The following CACUL1 variants were observed in gnomAD, a reference collection of about 807,000 sequenced individuals.
The protein encoded by CACUL1 is CDK2 associated cullin domain 1, also known as CDK2-associated and cullin domain-containing protein 1.
CACUL1 carries 13 observed loss-of-function variants against 45.2 expected under a neutral mutation model. That is an observed-to-expected ratio of 0.29 (90% CI 0.19 to 0.46). The LOEUF (loss-of-function observed/expected upper bound fraction) is 0.46. Among genes scored for constraint, CACUL1 ranks in the 20% least tolerant of loss-of-function variants. The pLI is 1.00. For missense variants in CACUL1, 421 were observed against 471.4 expected, an observed-to-expected ratio of 0.89 and a Z score of 0.99; for synonymous variants, 197 against 174.2, an observed-to-expected ratio of 1.13 and a Z score of -1.03.
intron 3 of CACUL1, among the ~76,000 whole-genome samples, chr10:118,711,165 C>T (rs923139085): frequency 6.6e-6 from 1 of 152,204 alleles, no homozygotes; most frequent in Non-Finnish European, 1.5e-5. Context: ...CTGCAACCTC[C>T]GTCTCCCAGG....
intron 8 of CACUL1, 37 bp downstream of exon 8, chr10:118,686,561 C>G: frequency 6.5e-7 from 1 of 1,534,186 alleles, no homozygotes. Context: ...CTTTACATCA[C>G]AGAACCATCA....
intron 3 of CACUL1, among the ~76,000 whole-genome samples, chr10:118,715,066 A>G (rs1845529064): frequency 6.6e-6 from 1 of 152,246 alleles, no homozygotes; most frequent in African/African-American, 2.4e-5. Flanking sequence ...GTAACTTCAT[A>G]TAGATGTTAT....
intron 1 of CACUL1, among the ~76,000 whole-genome samples, chr10:118,733,886 G>A (rs886084187): frequency 6.6e-6 from 1 of 152,056 alleles, no homozygotes; most frequent in Non-Finnish European, 1.5e-5. Context: ...GCGTGGTGAT[G>A]CACACCTGTG....
intron 1 of CACUL1, among the ~76,000 whole-genome samples, chr10:118,734,379 TTAGA>T (rs1391559177): frequency 6.6e-6 from 1 of 152,212 alleles, no homozygotes; most frequent in Admixed American, 6.5e-5. Context: ...ATTTTACTTT[TTAGA>T]TAATTAACTA....
chr10:118,737,973 T>C (rs1279055583), intron 1 of CACUL1, among the ~76,000 whole-genome samples: 4 of 152,224 alleles, frequency 2.6e-5, no homozygotes, highest in African/African-American at 4.8e-5. Flanking sequence ...TGAGATTACA[T>C]AGGTGTAAAC....
chr10:118,688,760 A>AT (rs1845232659), intron 7 of CACUL1, among the ~76,000 whole-genome samples: 3 of 152,198 alleles, frequency 2.0e-5, no homozygotes, highest in African/African-American at 7.2e-5. Context: ...TAGGTAAGAG[A>AT]TAAAAAGAAG....
At chr10:118,728,430 CAG>C (rs1845671442) in intron 3 of CACUL1, among the ~76,000 whole-genome samples, 1 of 151,836 alleles carries the variant, frequency 6.6e-6, no homozygotes, top group Non-Finnish European at 1.5e-5. Flanking sequence ...TTCCCTGCCT[CAG>C]TCTCCTGAGT....
chr10:118,691,685 G>A (rs1231928489), intron 6 of CACUL1: 1 of 274,452 alleles, frequency 3.6e-6, no homozygotes, highest in African/African-American at 2.3e-5. Flanking sequence ...GGCTAACATG[G>A]TGAAACCCCA....
chr10:118,729,351 T>C lies in CACUL1; in HGVS notation c.541A>G (p.Ser181Gly). The change falls in exon 3 of 9, where the codon AGT (serine) becomes GGT (glycine). Residue 181 changes from serine (S) to glycine (G), a missense_variant. Ser to Gly is a moderately conservative substitution (Grantham distance 56). Coordinates refer to ENST00000369151, the MANE Select transcript of CACUL1 (RefSeq NM_153810.5). The part of the protein sequence containing the change: ...VCQQHSEQMY[S>G]DLIKKITNHL... ...TTAGTTATCTTTTTAATCAGATCAC[T>C]ATACATCTGTTCCGAGTGCTGCTGG... The C allele has an allele frequency of 3.1e-6, 5 of 1,612,984 alleles. No individual in the cohort carries two copies. The highest frequency in any genetic ancestry group is 4.2e-6 in the Non-Finnish European group (5 of 1,179,884).
chr10:118,682,291 A>G lies in CACUL1; in HGVS notation c.*3837T>C, dbSNP rs1245316159. On this transcript the variant is annotated 3_prime_UTR_variant, in exon 9 of 9. Transcript: ENST00000369151. The stretch of plus-strand genomic sequence containing the variant: ...TCTCAGATTAGTGTATGTTCATAAA[A>G]CAATGCTCAGTTATTTTAATAGCTG... The G allele has an allele frequency of 6.6e-6, 1 of 152,232 alleles. No individual in the cohort carries two copies. Among genetic ancestry groups the G allele is most frequent in the Non-Finnish European group, 1.5e-5 (1 of 68,038 alleles). 9.4% of individuals were successfully genotyped at this position (152,232 alleles called of 1,614,324 possible). A position where few individuals can be genotyped will look rare whatever the true frequency, so the allele number is the denominator to read the frequency against.
chr10:118,727,403 T>TAAAA (rs11454535), intron 3 of CACUL1, among the ~76,000 whole-genome samples: 343 of 144,544 alleles, frequency 2.4e-3, no homozygotes, highest in African/African-American at 8.4e-3. Flanking sequence ...TCAAAAAAAT[T>TAAAA]AAAAAAAAAA....
chr10:118,724,463 T>C (rs1845633405), intron 3 of CACUL1, among the ~76,000 whole-genome samples: 2 of 152,186 alleles, frequency 1.3e-5, no homozygotes, highest in African/African-American at 2.4e-5. Flanking sequence ...AGTAGAGTCA[T>C]AGTTAAATAG....
At chr10:118,708,450 T>C (rs950941257) in intron 3 of CACUL1, among the ~76,000 whole-genome samples, 3 of 152,304 alleles carry the variant, frequency 2.0e-5, no homozygotes, top group Middle Eastern at 3.4e-3. Flanking sequence ...TTCAGCTCTG[T>C]AGAGCAGTAA....
Position 118,733,189 on chromosome 10 carries a change from T to C in CACUL1, c.368-2779A>G, listed in dbSNP as rs141554290. ...AAAAAGAAACCAAAATGTAAAGTCC[T>C]GCAGTTCTAAGTACAGAATGGGGAC... On this transcript the variant is annotated intron_variant, in intron 1 of 8. Transcript: ENST00000369151. Among the ~76,000 whole-genome samples, 421 of 152,324 alleles carry C rather than the reference T, an allele frequency of 2.8e-3. 3 individuals are homozygous for C. The highest frequency in any genetic ancestry group is 5.1e-3 in the Non-Finnish European group (349 of 68,036).
intron 8 of CACUL1, 151 bp from the exon 9 acceptor site, chr10:118,686,319 G>T: frequency 1.4e-6 from 1 of 695,588 alleles, no homozygotes. Flanking sequence ...GGGGTGGAGG[G>T]AAGTAAAAGG....
chr10:118,691,066 G>A (rs1430179803), intron 7 of CACUL1, among the ~76,000 whole-genome samples, 199 bp downstream of exon 7: 7 of 152,080 alleles, frequency 4.6e-5, no homozygotes, highest in Admixed American at 1.3e-4. Flanking sequence ...CAAAACGTAC[G>A]TAATGAAGAG....
rs1167583231 is a variant in CACUL1 at position 118,677,058 on chromosome 10, G to T, written c.*9070C>A. ...ATTTCTCTTGGTGAATGGTATGATA[G>T]GAATCAGTTTAATGTTCTCTAATTA... On this transcript the variant is annotated 3_prime_UTR_variant, in exon 9 of 9. Transcript: ENST00000369151. 1 of 151,958 alleles carries T rather than the reference G, an allele frequency of 6.6e-6. No individual in the cohort carries two copies. The highest frequency in any genetic ancestry group is 1.9e-4 in the East Asian group (1 of 5,188). The allele number at this position is 151,958 out of a possible 1,614,324, so 9.4% of individuals were successfully genotyped here. A position where few individuals can be genotyped will look rare whatever the true frequency, so the allele number is the denominator to read the frequency against.
chr10:118,730,351 C>A lies in CACUL1; in HGVS notation c.427G>T (p.Ala143Ser). Residue 143 changes from alanine to serine, a missense_variant, in exon 2 of 9, where the codon GCC becomes TCC. Physicochemically the swap from Ala to Ser is moderately conservative, Grantham distance 99. Coordinates refer to ENST00000369151, the MANE Select transcript of CACUL1 (RefSeq NM_153810.5). ...KSTYWPKLDG[A>S]IDQLLTQSPG... is the part of the protein sequence containing the mutation. Reference sequence around the variant, plus strand: ...CTCTGAGTTAAAAGTTGATCTATGGCACCATCCAATTTTGGCCAGTATGTG... The same window carrying A: ...CTCTGAGTTAAAAGTTGATCTATGGAACCATCCAATTTTGGCCAGTATGTG... 1 of 1,613,780 alleles carries A rather than the reference C, an allele frequency of 6.2e-7. No individual in the cohort carries two copies. The highest frequency in any genetic ancestry group is 1.1e-5 in the South Asian group (1 of 91,074).
At chr10:118,747,866 C>T (rs1274885360) in intron 1 of CACUL1, among the ~76,000 whole-genome samples, 3 of 152,138 alleles carry the variant, frequency 2.0e-5, no homozygotes, top group East Asian at 1.9e-4. Context: ...AGGTAGATCA[C>T]TTGGGGCCAG....
Sources: allele counts gnomAD v4.1 joint callset (sites outside exome capture counted in the v4.1 genomes callset), GRCh38; gene constraint gnomAD v4.1.1; transcripts MANE v1.5; gene names NCBI Gene and HGNC (gene_info 2026-07-23, HGNC 2026-07-21).